Variants in SNX13 observed in about 807,000 individuals in gnomAD.
The protein encoded by SNX13 is sorting nexin-13.
SNX13 carries 45 observed loss-of-function variants against 133.6 expected under a neutral mutation model. That is an observed-to-expected ratio of 0.34 (90% CI 0.27 to 0.43). The LOEUF is 0.43. Among genes scored for constraint, SNX13 ranks in the 20% least tolerant of loss-of-function variants. The probability of loss-of-function intolerance (pLI) is 1.00; values close to 1 mark genes in which losing one functional copy is unlikely to be tolerated. For synonymous variants in SNX13, 414 were observed against 373.9 expected (o/e 1.11, Z -1.24); for missense variants, 1,032 against 1,145.1 (o/e 0.90, Z 1.43).
chr7:17,798,605 G>C, intron 24 of SNX13, 85 bp downstream of exon 24: 1 of 1,033,000 alleles, frequency 9.7e-7, no homozygotes, highest in South Asian at 1.5e-5. Context: ...GTCCAGGAAG[G>C]AAACAAAAGC....
intron 25 of SNX13, chr7:17,796,571 G>C: frequency 8.2e-6 from 3 of 364,600 alleles, no homozygotes; most frequent in Non-Finnish European, 1.5e-5. Flanking sequence ...TATAAACCTT[G>C]GATAGGTTAT....
rs542880815 is a variant in SNX13, at chr7:17,929,974, T to C, written c.12+10310A>G. 5.9e-5 allele frequency among the ~76,000 whole-genome samples: 9 copies of C among 152,306 alleles called. No homozygotes were observed. The South Asian group carries it at 1.7e-3, about 28-fold the overall frequency. On this transcript the variant is annotated intron_variant, in intron 1 of 25. Transcript: ENST00000428135. The stretch of plus-strand genomic sequence containing the variant: ...AGGATTACTCTTGACATTTTAAAAC[T>C]ACCTCAATCAAAGAACACTAAAACA...
At chr7:17,804,351 A>G (rs1280078142) in intron 20 of SNX13, among the ~76,000 whole-genome samples, 1 of 152,170 alleles carries the variant, frequency 6.6e-6, no homozygotes, top group African/African-American at 2.4e-5. Context: ...AAACTGAAAT[A>G]ACTAATAAGT....
intron 1 of SNX13, among the ~76,000 whole-genome samples, chr7:17,920,820 G>T (rs903304166): frequency 6.6e-6 from 1 of 152,126 alleles, no homozygotes; most frequent in Non-Finnish European, 1.5e-5. Context: ...ATCATTTCTT[G>T]TATGTTGAAA....
chr7:17,920,068 C>A (rs1799962749), intron 1 of SNX13, among the ~76,000 whole-genome samples: 1 of 152,140 alleles, frequency 6.6e-6, no homozygotes, highest in South Asian at 2.1e-4. Flanking sequence ...TTAAAACAGG[C>A]TTCATCTATC....
intron 1 of SNX13, chr7:17,898,026 C>T (rs1156850843): frequency 6.6e-6 from 1 of 151,490 alleles, no homozygotes; most frequent in Non-Finnish European, 1.5e-5. Flanking sequence ...CTTCCAGTTA[C>T]CGAAATTTAC....
At chr7:17,866,144 T>C (rs1472837419) in intron 9 of SNX13, among the ~76,000 whole-genome samples, 1 of 151,758 alleles carries the variant, frequency 6.6e-6, no homozygotes, top group African/African-American at 2.4e-5. Flanking sequence ...ACAAATGAGA[T>C]CACATCAAGC....
chr7:17,876,574 C>CAA (rs200148485), intron 5 of SNX13, among the ~76,000 whole-genome samples: 2,357 of 119,004 alleles, frequency 0.02, 56 homozygotes, highest in African/African-American at 0.036. Context: ...GCTATCTCAT[C>CAA]AAAAAAAAAA....
intron 5 of SNX13, 83 bp downstream of exon 5, chr7:17,890,280 T>C: frequency 7.7e-7 from 1 of 1,306,724 alleles, no homozygotes; most frequent in Non-Finnish European, 1.0e-6. Flanking sequence ...AATAAACAAT[T>C]CCTCCCCTTA....
chr7:17,919,697 GA>G (rs1279121916), intron 1 of SNX13, among the ~76,000 whole-genome samples: 1 of 152,170 alleles, frequency 6.6e-6, no homozygotes, highest in Non-Finnish European at 1.5e-5. Context: ...ATAAGTCAAT[GA>G]AAGCAACTCA....
Position 17,938,579 on chromosome 7 carries a change from C to G in SNX13, c.12+1705G>C, listed in dbSNP as rs138040138. Among the ~76,000 whole-genome samples the G allele has an allele frequency of 2.8e-3, 432 of 152,284 alleles. 2 individuals are homozygous for G. Among genetic ancestry groups the G allele is most frequent in the Admixed American group, 7.3e-3 (112 of 15,304 alleles). On this transcript the variant is annotated intron_variant, in intron 1 of 25. Coordinates refer to ENST00000428135, the MANE Select transcript of SNX13 (RefSeq NM_015132.5). Reference sequence around the variant, plus strand: ...ACTTATAAGTTGTGCAGTGTTCACACAAAAAGTACTAAAGTACAGTTTACT... The same window carrying G: ...ACTTATAAGTTGTGCAGTGTTCACAGAAAAAGTACTAAAGTACAGTTTACT...
chr7:17,794,166 G>T lies in SNX13; in HGVS notation c.2753C>A (p.Thr918Asn), dbSNP rs926544533. The change falls in exon 26 of 26, where the codon ACC becomes AAC. Residue 918 changes from threonine (T) to asparagine (N), a missense_variant. Thr to Asn is a moderately conservative substitution (Grantham distance 65). Coordinates refer to ENST00000428135, the MANE Select transcript of SNX13 (RefSeq NM_015132.5). The stretch of plus-strand genomic sequence containing the variant: ...ACGGAATTTATACTGTGGAAATAAG[G>T]TTTCTAAAAAGCCTTCCAAGAAGAC... ...VYVFLEGFLE[T>N]LFPQYKFREL... is the part of the protein sequence containing the mutation. 6.2e-6 allele frequency: 10 copies of T among 1,611,510 alleles called. No individual in the cohort carries two copies. Among genetic ancestry groups the T allele is most frequent in the African/African-American group, 2.7e-5 (2 of 74,826 alleles).
intron 5 of SNX13, chr7:17,881,137 T>C (rs1795288896): frequency 6.6e-6 from 1 of 152,112 alleles, no homozygotes; most frequent in African/African-American, 2.4e-5. Flanking sequence ...CATTAGTTTT[T>C]CAGAGAAATG....
At chr7:17,877,788 G>GT (rs1295971978) in intron 5 of SNX13, among the ~76,000 whole-genome samples, 1 of 151,946 alleles carries the variant, frequency 6.6e-6, no homozygotes, top group Non-Finnish European at 1.5e-5. Context: ...ACAGAAATAT[G>GT]TTGAGGGTAG....
chr7:17,882,736 C>G (rs1795508465), intron 5 of SNX13: 1 of 1,064,678 alleles, frequency 9.4e-7, no homozygotes, highest in Non-Finnish European at 1.2e-6. Flanking sequence ...AACAACCTGA[C>G]CAGAGAATCT....
chr7:17,865,624 A>G (rs1349257077), intron 9 of SNX13, among the ~76,000 whole-genome samples: 4 of 152,210 alleles, frequency 2.6e-5, no homozygotes. Context: ...AGAAATAGAA[A>G]AAATAATCCC....
intron 20 of SNX13, among the ~76,000 whole-genome samples, chr7:17,804,445 A>G (rs1286764586): frequency 1.3e-5 from 2 of 152,170 alleles, no homozygotes; most frequent in African/African-American, 4.8e-5. Context: ...TTCATTACAA[A>G]GAAGGAAAAG....
intron 1 of SNX13, among the ~76,000 whole-genome samples, chr7:17,932,487 T>C (rs1344644759): frequency 6.6e-6 from 1 of 152,218 alleles, no homozygotes; most frequent in Non-Finnish European, 1.5e-5. Context: ...CCGTAATTTT[T>C]CACTTTAATC....
At chr7:17,854,915 G>A (rs1326197227) in intron 9 of SNX13, among the ~76,000 whole-genome samples, 1 of 152,078 alleles carries the variant, frequency 6.6e-6, no homozygotes, top group Non-Finnish European at 1.5e-5. Context: ...CCAGGAAAAT[G>A]TATCAAAAGC....
Sources: allele counts gnomAD v4.1 joint callset (sites outside exome capture counted in the v4.1 genomes callset), GRCh38; gene constraint gnomAD v4.1.1; transcripts MANE v1.5; gene names NCBI Gene and HGNC (gene_info 2026-07-23, HGNC 2026-07-21).